Variants in SYCE1 observed in about 807,000 individuals in gnomAD.
SYCE1 encodes synaptonemal complex central element protein 1.
In SYCE1, 37 loss-of-function variants were observed where a neutral mutation model predicts 55.1. That is an observed-to-expected ratio of 0.67 (90% CI 0.52 to 0.88). The LOEUF (loss-of-function observed/expected upper bound fraction) is 0.88, where lower values mean the gene tolerates loss of function less well. Ranked by LOEUF, SYCE1 falls within the 40% of genes least tolerant of loss-of-function variation. SYCE1 has a pLI of 0.00. For missense variants in SYCE1, 399 were observed against 416.4 expected (o/e 0.96, Z 0.36); for synonymous variants, 163 against 159.4 (o/e 1.02, Z -0.17).
At chr10:133,554,596 T>G (rs568247536), downstream of SYCE1, 11 of 688,304 alleles carry the variant, frequency 1.6e-5, no homozygotes, top group African/African-American at 1.4e-4. Context: ...GACTACCATA[T>G]GGAACCGACT....
Position 133,565,478 on chromosome 10 carries a change from C to T in SYCE1, c.52G>A (p.Asp18Asn). The change falls in exon 1 of 13, where the codon GAC becomes AAC. Residue 18 changes from aspartate to asparagine, a missense_variant. Coordinates refer to ENST00000343131, the MANE Select transcript of SYCE1 (RefSeq NM_001143764.3). ...CTACCTCCGGCCTTCTCAGCCCTGT[C>T]CACGGCTCCTGCGGTGGGCTCGGCC... is the stretch of plus-strand genomic sequence containing the variant. ...SKAEPTAGAVDRAEKAGGQDT... is the reference protein window; with the variant it reads ...SKAEPTAGAVNRAEKAGGQDT... 2.6e-6 allele frequency: 4 copies of T among 1,550,258 alleles called. No individual in the cohort carries two copies. Among genetic ancestry groups the T allele is most frequent in the Non-Finnish European group, 3.5e-6 (4 of 1,146,786 alleles).
chr10:133,567,341 G>A (rs1343244068), upstream of SYCE1, among the ~76,000 whole-genome samples: 1 of 151,490 alleles, frequency 6.6e-6, no homozygotes, highest in Non-Finnish European at 1.5e-5. Context: ...TTTAGTGCTT[G>A]AGGTGGGGGT....
chr10:133,556,168 CTG>C, intron 8 of SYCE1, 121 bp from the exon 9 acceptor site: 1 of 1,105,906 alleles, frequency 9.0e-7, no homozygotes, highest in South Asian at 1.5e-5. Context: ...CTCTGCCCCT[CTG>C]TGCACACCAG....
chr10:133,565,702 G>T, upstream of SYCE1: 1 of 612,306 alleles, frequency 1.6e-6, no homozygotes, highest in Non-Finnish European at 2.7e-6. Flanking sequence ...GTGCGCATGC[G>T]TAAAGGCGCG....
At chr10:133,559,416 C>T (rs1415203535) in intron 2 of SYCE1, 56 bp from the exon 3 acceptor site, 7 of 1,553,450 alleles carry the variant, frequency 4.5e-6, no homozygotes, top group African/African-American at 1.4e-5. Context: ...GGGCGGTTGC[C>T]AGCCTTGTGT....
At chr10:133,567,429 G>A (rs58187379), upstream of SYCE1, among the ~76,000 whole-genome samples, 14,053 of 151,412 alleles carry the variant, frequency 0.093, 822 homozygotes, top group East Asian at 0.25. Context: ...AAGGGTCAGC[G>A]TTAGGGTCAG....
intron 1 of SYCE1, among the ~76,000 whole-genome samples, chr10:133,562,429 C>A (rs1851838564): frequency 6.6e-6 from 1 of 151,796 alleles, no homozygotes; most frequent in East Asian, 1.9e-4. Context: ...TCATATAGTT[C>A]TGCTGTCTCT....
chr10:133,554,278 G>A, downstream of SYCE1: 1 of 1,613,400 alleles, frequency 6.2e-7, no homozygotes, highest in Non-Finnish European at 8.5e-7. Context: ...GCTCTGCAGT[G>A]AGCCTCTCTC....
rs747480317 is a variant in SYCE1, at chr10:133,555,789, G to C, written c.710C>G (p.Ala237Gly). ...EGLFLRSQEA[A>G]ATVQLFQEEH... is the part of the protein sequence containing the mutation. ...CCCCTCCACATCTTACACTGTGGCT[G>C]CAGCCTCCTGGCTGCGGAGAAAGAG... Residue 237 changes from alanine (A) to glycine (G), a missense_variant, in exon 10 of 13, where the codon GCA (alanine) becomes GGA (glycine). Transcript: ENST00000343131. 6.2e-7 allele frequency: 1 copy of C among 1,612,800 alleles called. No individual in the cohort carries two copies.
upstream of SYCE1, chr10:133,568,202 C>A: frequency 8.9e-7 from 1 of 1,129,254 alleles, no homozygotes; most frequent in South Asian, 1.3e-5. Context: ...GCTGTAGATG[C>A]CGAGCCGGTC....
Position 133,558,963 on chromosome 10 carries a change from A to G in SYCE1, c.197-12T>C. 6.2e-7 allele frequency: 1 copy of G among 1,608,174 alleles called. No individual in the cohort carries two copies. The highest frequency in any genetic ancestry group is 8.5e-7 in the Non-Finnish European group (1 of 1,178,530). ...GGCTTTCTTTTTTGCTTCACCAAAG[A>G]GCAGAAAAACATTGTGTGAGTGCAG... On this transcript the variant is annotated splice_polypyrimidine_tract_variant and intron_variant, in intron 3 of 12. Transcript: ENST00000343131.
chr10:133,559,716 G>A (rs983523733), intron 2 of SYCE1: 1 of 423,962 alleles, frequency 2.4e-6, no homozygotes, highest in African/African-American at 2.0e-5. Flanking sequence ...GAGGTAGTCA[G>A]TGCAAAGACC....
At position 133,557,928 on chromosome 10, in the gene SYCE1, GAGCAA is replaced by G. The variant is rs777038377; in HGVS notation, c.320-15_320-11del. On this transcript the variant is annotated splice_polypyrimidine_tract_variant and intron_variant, in intron 5 of 12. Transcript: ENST00000343131. ...AGGATCCTCAGGGTCTCTGTAGGGA[GAGCAA>G]CAGGGCCCTATGAGAACCTGTCAAG... The G allele has an allele frequency of 6.8e-6, 11 of 1,613,868 alleles. No homozygotes were observed. The highest frequency in any genetic ancestry group is 6.7e-5 in the African/African-American group (5 of 74,920).
At chr10:133,568,156 G>A (rs769441515), upstream of SYCE1, 6 of 885,310 alleles carry the variant, frequency 6.8e-6, no homozygotes, top group African/African-American at 4.8e-5. Context: ...GGCACAGGCC[G>A]CCCGTGGGTC....
chr10:133,559,266 T>C, intron 3 of SYCE1, 35 bp downstream of exon 3: 1 of 1,611,322 alleles, frequency 6.2e-7, no homozygotes, highest in Non-Finnish European at 8.5e-7. Context: ...ACCATGCAGC[T>C]GGTCCTAGCT....
intron 4 of SYCE1, 120 bp from the exon 5 acceptor site, chr10:133,558,334 C>T: frequency 4.5e-6 from 5 of 1,122,366 alleles, no homozygotes; most frequent in Middle Eastern, 2.0e-4. Flanking sequence ...AATGTGAACC[C>T]TTGAGGTGAG....
At chr10:133,561,508 A>G (rs993519941) in intron 1 of SYCE1, among the ~76,000 whole-genome samples, 1 of 152,170 alleles carries the variant, frequency 6.6e-6, no homozygotes, top group African/African-American at 2.4e-5. Context: ...TCCTGCTTCC[A>G]TGAAAGTTCC....
In SYCE1 at chr10:133,565,543, G is replaced by A. The variant is rs1851910607; in HGVS notation, c.-14C>T. ...CCTCCCCGCCATTTCCTCTCAGCTC[G>A]CCAGCGAGGGTGCCTCGGGAGGGAG... On this transcript the variant is annotated 5_prime_UTR_variant, in exon 1 of 13. Coordinates refer to ENST00000343131, the MANE Select transcript of SYCE1 (RefSeq NM_001143764.3). 1.3e-6 allele frequency: 2 copies of A among 1,548,532 alleles called. No individual in the cohort carries two copies. The highest frequency in any genetic ancestry group is 1.2e-5 in the South Asian group (1 of 83,828).
chr10:133,560,121 A>G lies in SYCE1; in HGVS notation c.106T>C (p.Leu36=), dbSNP rs777375786. Residue 36 remains leucine, a synonymous_variant, in exon 2 of 13, where the codon TTG becomes CTG. Coordinates refer to ENST00000343131, the MANE Select transcript of SYCE1 (RefSeq NM_001143764.3). ...QDTSSQKIED[L]MEMVQKLQKV... ...TGCAGCTTTTGCACCATTTCCATCA[A>G]GTCTTCAATTTTCTGTGAGGACGTG... 13 of 1,614,110 alleles carry G rather than the reference A, an allele frequency of 8.1e-6. No individual in the cohort carries two copies. The highest frequency in any genetic ancestry group is 1.1e-5 in the Non-Finnish European group (13 of 1,180,016).
Sources: gnomAD v4.1 joint callset for allele counts (sites outside exome capture counted in the v4.1 genomes callset) on GRCh38, gnomAD v4.1.1 for gene constraint, MANE v1.5 for transcripts, NCBI Gene and HGNC (gene_info 2026-07-23, HGNC 2026-07-21) for gene names.